Variants in MTPAP observed in about 807,000 individuals in gnomAD.
MTPAP encodes the protein poly(A) RNA polymerase, mitochondrial.
In MTPAP, 23 loss-of-function variants were observed where a neutral mutation model predicts 48.7. The observed-to-expected ratio is 0.47, with a 90% CI of 0.34 to 0.67. The LOEUF is 0.67. Ranked by LOEUF, MTPAP falls within the 30% of genes least tolerant of loss-of-function variation. The probability of loss-of-function intolerance (pLI) is 0.01; values close to 1 mark genes in which losing one functional copy is unlikely to be tolerated. For synonymous variants in MTPAP, 257 were observed against 254.1 expected, an observed-to-expected ratio of 1.01 and a Z score of -0.11; for missense variants, 614 against 694.3, an observed-to-expected ratio of 0.88 and a Z score of 1.30.
chr10:30,334,333 C>T (rs564961010), intron 4 of MTPAP, among the ~76,000 whole-genome samples: 1 of 152,130 alleles, frequency 6.6e-6, no homozygotes, highest in Non-Finnish European at 1.5e-5. Flanking sequence ...ATGATATTTA[C>T]AAGTGCCTTC....
Position 30,313,530 on chromosome 10 carries a change from G to A in MTPAP, c.*79C>T. On this transcript the variant is annotated 3_prime_UTR_variant, in exon 9 of 9. Coordinates refer to ENST00000263063, the MANE Select transcript of MTPAP (RefSeq NM_018109.4). ...CAGATGAAAGCTGAGATCTGTGAAAGTTTCAAATCAGTTTTTCCAAGTAAG... is the reference window on the plus strand; with the variant it reads ...CAGATGAAAGCTGAGATCTGTGAAAATTTCAAATCAGTTTTTCCAAGTAAG... 1.3e-6 allele frequency: 2 copies of A among 1,567,966 alleles called. No homozygotes were observed. Among genetic ancestry groups the A allele is most frequent in the Non-Finnish European group, 1.8e-6 (2 of 1,142,494 alleles).
At chr10:30,317,951 G>A (rs937945453) in intron 6 of MTPAP, among the ~76,000 whole-genome samples, 4 of 151,986 alleles carry the variant, frequency 2.6e-5, no homozygotes, top group Non-Finnish European at 5.9e-5. Flanking sequence ...TCCGCGTCCC[G>A]GCTTCAAGTG....
chr10:30,321,582 AGAG>A (rs1209671410), intron 6 of MTPAP, among the ~76,000 whole-genome samples: 1 of 152,236 alleles, frequency 6.6e-6, no homozygotes, highest in African/African-American at 2.4e-5. Context: ...GGACACATAA[AGAG>A]GAGTAGGGAA....
At chr10:30,343,488 T>G (rs1263847510) in intron 1 of MTPAP, among the ~76,000 whole-genome samples, 1 of 152,046 alleles carries the variant, frequency 6.6e-6, no homozygotes, top group Non-Finnish European at 1.5e-5. Context: ...CAGCAGAAGC[T>G]TTTAGCCTCA....
chr10:30,335,305 C>A (rs569754448), intron 4 of MTPAP, among the ~76,000 whole-genome samples: 5 of 151,350 alleles, frequency 3.3e-5, no homozygotes, highest in African/African-American at 1.2e-4. Context: ...CTGACCAATA[C>A]GTGAAACCCT....
intron 4 of MTPAP, among the ~76,000 whole-genome samples, chr10:30,335,693 G>T (rs1373444870): frequency 6.6e-6 from 1 of 152,108 alleles, no homozygotes; most frequent in Non-Finnish European, 1.5e-5. Context: ...AATAAAGCAG[G>T]AGTAATCCAA....
At chr10:30,332,694 A>G (rs1402740577) in intron 4 of MTPAP, among the ~76,000 whole-genome samples, 1 of 152,094 alleles carries the variant, frequency 6.6e-6, no homozygotes, top group Admixed American at 6.6e-5. Context: ...ACTCAACTAA[A>G]AGTTTCTAGG....
In MTPAP at chr10:30,333,131, A is replaced by T. The variant is rs188346316; in HGVS notation, c.780+3672T>A. On this transcript the variant is annotated intron_variant, in intron 4 of 8. Coordinates refer to ENST00000263063, the MANE Select transcript of MTPAP (RefSeq NM_018109.4). Reference sequence around the variant, plus strand: ...GCAAGACTCTGTCTCAAAAAAAAATAAATTAATTAATTAAAAATAAATTTA... The same window carrying T: ...GCAAGACTCTGTCTCAAAAAAAAATTAATTAATTAATTAAAAATAAATTTA... 4.3e-3 allele frequency among the ~76,000 whole-genome samples: 653 copies of T among 151,980 alleles called. 5 individuals carry two copies. Among genetic ancestry groups the T allele is most frequent in the African/African-American group, 0.015 (618 of 41,496 alleles).
intron 1 of MTPAP, among the ~76,000 whole-genome samples, chr10:30,344,636 C>A (rs1291792946): frequency 6.6e-6 from 1 of 152,182 alleles, no homozygotes; most frequent in Non-Finnish European, 1.5e-5. Flanking sequence ...ACACACTCGT[C>A]TCTGATTTTT....
chr10:30,316,822 G>A (rs1000703555), intron 6 of MTPAP, among the ~76,000 whole-genome samples: 8 of 151,896 alleles, frequency 5.3e-5, no homozygotes, highest in African/African-American at 1.5e-4. Flanking sequence ...CCCAGGAGGC[G>A]GAGGTTGCAA....
chr10:30,314,098 C>T (rs1840633826), intron 8 of MTPAP, 127 bp from the exon 9 acceptor site: 3 of 1,142,784 alleles, frequency 2.6e-6, no homozygotes, highest in Non-Finnish European at 3.8e-6. Flanking sequence ...CAAAGAATTT[C>T]TTTCTCAGGG....
chr10:30,345,770 G>A (rs1469057539), intron 1 of MTPAP, among the ~76,000 whole-genome samples: 1 of 152,204 alleles, frequency 6.6e-6, no homozygotes, highest in African/African-American at 2.4e-5. Context: ...GAATAGGCCA[G>A]GTGCAGTGGC....
chr10:30,337,016 C>T lies in MTPAP; in HGVS notation c.567G>A (p.Gln189=), dbSNP rs1445046877. ...GGAACTCCTTCAAGAGAGTGTTCAG[C>T]TGATCGTCTATCTAGCTAGCCGAAA... ...LLCYAESIDD[Q]LNTLLKEFQL... is the part of the protein sequence containing the mutation. Residue 189 remains glutamine, a synonymous_variant, in exon 4 of 9, where the codon CAG becomes CAA. Coordinates refer to ENST00000263063, the MANE Select transcript of MTPAP (RefSeq NM_018109.4). 6.2e-7 allele frequency: 1 copy of T among 1,612,982 alleles called. No individual in the cohort carries two copies. The highest frequency in any genetic ancestry group is 1.1e-5 in the South Asian group (1 of 91,032).
intron 5 of MTPAP, among the ~76,000 whole-genome samples, chr10:30,323,323 A>G (rs527646533): frequency 4.7e-5 from 7 of 149,474 alleles, no homozygotes; most frequent in Non-Finnish European, 8.9e-5. Flanking sequence ...GTGGTGGCGC[A>G]TGCCTGTAAT....
At chr10:30,343,255 C>A (rs140524857) in intron 1 of MTPAP, among the ~76,000 whole-genome samples, 3 of 151,818 alleles carry the variant, frequency 2.0e-5, no homozygotes, top group Non-Finnish European at 4.4e-5. Context: ...TTGAGACCAG[C>A]CTGCCCAAAT....
intron 1 of MTPAP, among the ~76,000 whole-genome samples, chr10:30,346,302 T>C (rs1834872955): frequency 6.6e-6 from 1 of 152,140 alleles, no homozygotes; most frequent in African/African-American, 2.4e-5. Flanking sequence ...CTTTGGTACT[T>C]ACTAATCAGG....
At chr10:30,334,899 C>T (rs1052289059) in intron 4 of MTPAP, among the ~76,000 whole-genome samples, 1 of 151,980 alleles carries the variant, frequency 6.6e-6, no homozygotes, top group African/African-American at 2.4e-5. Context: ...AATGTAGTTA[C>T]AATAATCTAA....
chr10:30,321,394 T>C (rs1840723320), intron 6 of MTPAP, among the ~76,000 whole-genome samples: 3 of 152,172 alleles, frequency 2.0e-5, no homozygotes, highest in African/African-American at 4.8e-5. Context: ...TTTCAAACAA[T>C]ATCAACACTT....
chr10:30,315,922 A>C, intron 8 of MTPAP, 41 bp downstream of exon 8: 1 of 1,483,054 alleles, frequency 6.7e-7, no homozygotes, highest in Non-Finnish European at 9.3e-7. Context: ...AGTACAGTGG[A>C]AGACCAGATA....
Sources: gnomAD v4.1 joint callset for allele counts (sites outside exome capture counted in the v4.1 genomes callset) on GRCh38, gnomAD v4.1.1 for gene constraint, MANE v1.5 for transcripts, NCBI Gene and HGNC (gene_info 2026-07-23, HGNC 2026-07-21) for gene names.